The following DCN variants were observed in gnomAD, a reference collection of about 807,000 sequenced individuals.
DCN encodes bone proteoglycan II.
A neutral mutation model predicts 36.5 loss-of-function variants in DCN; 17 were observed. The ratio of observed to expected loss-of-function variants is 0.47; its 90% CI spans 0.32 to 0.70. DCN has a LOEUF of 0.70. Ranked by LOEUF, DCN falls within the 30% of genes least tolerant of loss-of-function variation. The probability of loss-of-function intolerance (pLI) is 0.04; values close to 1 mark genes in which losing one functional copy is unlikely to be tolerated. For missense variants in DCN, 389 were observed against 430.1 expected (o/e 0.90, Z 0.84); for synonymous variants, 163 against 161.4 (o/e 1.01, Z -0.07).
chr12:91,151,713 A>T lies in DCN; in HGVS notation c.826T>A (p.Leu276Met). The T allele has an allele frequency of 1.2e-6, 2 of 1,614,044 alleles. No homozygotes were observed. Among genetic ancestry groups the T allele is most frequent in the Non-Finnish European group, 1.7e-6 (2 of 1,179,972 alleles). The change falls in exon 7 of 8, where the codon TTG (leucine) becomes ATG (methionine). Residue 276 changes from leucine (L) to methionine (M), a missense_variant. Physicochemically the swap from Leu to Met is conservative, Grantham distance 15 (BLOSUM62 2). Transcript: ENST00000052754. ...ANTPHLRELHLDNNKLTRVPG... is the reference protein window; with the variant it reads ...ANTPHLRELHMDNNKLTRVPG... ...ACTCTGGTAAGCTTGTTGTTGTCCA[A>T]GTGAAGCTCCCTCAGATGAGGCGTG... is the stretch of plus-strand genomic sequence containing the variant.
At chr12:91,153,284 T>A in intron 5 of DCN, 95 bp from the exon 6 acceptor site, 1 of 771,848 alleles carries the variant, frequency 1.3e-6, no homozygotes, top group Non-Finnish European at 2.4e-6. Context: ...ATCAATTTTC[T>A]AAAAGACACA....
chr12:91,149,454 G>A (rs1285660004), intron 7 of DCN, among the ~76,000 whole-genome samples: 1 of 152,172 alleles, frequency 6.6e-6, no homozygotes, highest in African/African-American at 2.4e-5. Flanking sequence ...TCCTCAACTT[G>A]ATAAAGAGCA....
rs1880947883 is a variant in DCN, at chr12:91,145,439, T to C, written c.*619A>G. ...AGAAATAGCTGAGAACTTGAAAAGA[T>C]GTACTGTTATTGTCAACAAACCAAT... On this transcript the variant is annotated 3_prime_UTR_variant, in exon 8 of 8. Transcript: ENST00000052754. 1.3e-5 allele frequency: 2 copies of C among 156,160 alleles called. No homozygotes were observed. 9.7% of individuals were successfully genotyped at this position (156,160 alleles called of 1,614,324 possible). A position where few individuals can be genotyped will look rare whatever the true frequency, so the allele number is the denominator to read the frequency against.
intron 7 of DCN, 99 bp from the exon 8 acceptor site, chr12:91,146,351 CTTT>C (rs376886852): frequency 0.013 from 4,081 of 315,032 alleles, no homozygotes; most frequent in Non-Finnish European, 0.014. Flanking sequence ...TAATCCTTCA[CTTT>C]TTTTTTTTTT....
Position 91,140,964 on chromosome 12 carries a change from C to T in DCN, c.*5094G>A, listed in dbSNP as rs978657225. On this transcript the variant is annotated 3_prime_UTR_variant, in exon 8 of 8. Transcript: ENST00000052754. Reference sequence around the variant, plus strand: ...TGGCCTCTCTACCATCAAAACAAACCCCATATTTTGATCCCTTCTCAACAA... The same window carrying T: ...TGGCCTCTCTACCATCAAAACAAACTCCATATTTTGATCCCTTCTCAACAA... The T allele has an allele frequency of 1.3e-5, 2 of 152,172 alleles. No homozygotes were observed. The highest frequency in any genetic ancestry group is 2.4e-5 in the African/African-American group (1 of 41,432). The allele number at this position is 152,172 out of a possible 1,614,324, so 9.4% of individuals were successfully genotyped here.
intron 5 of DCN, among the ~76,000 whole-genome samples, chr12:91,154,655 G>A (rs767815236): frequency 1.3e-5 from 2 of 152,062 alleles, no homozygotes; most frequent in Admixed American, 1.3e-4. Flanking sequence ...GTGGCATTGA[G>A]TTAAAGAACC....
intron 2 of DCN, among the ~76,000 whole-genome samples, chr12:91,173,569 C>G (rs1217410368): frequency 2.0e-5 from 3 of 152,306 alleles, no homozygotes; most frequent in East Asian, 3.9e-4. Context: ...ATCCAGTGGT[C>G]ATACTCTGTG....
intron 5 of DCN, 108 bp downstream of exon 5, chr12:91,156,967 T>C: frequency 2.7e-6 from 2 of 735,098 alleles, no homozygotes; most frequent in Non-Finnish European, 4.7e-6. Flanking sequence ...TTGCTGGAAA[T>C]AAGGTTGGCC....
intron 5 of DCN, among the ~76,000 whole-genome samples, chr12:91,156,451 A>G (rs1014987801): frequency 3.9e-5 from 6 of 152,328 alleles, no homozygotes; most frequent in African/African-American, 4.8e-5. Flanking sequence ...TAGCAGTATT[A>G]TTTCCACTTG....
Position 91,164,739 on chromosome 12 carries a change from T to C in DCN, c.212-22A>G, listed in dbSNP as rs781160196. On this transcript the variant is annotated intron_variant, in intron 2 of 7. Transcript: ENST00000052754. Reference sequence around the variant, plus strand: ...AGACCTAGCATAAGAGTAATAGGAGTGTGCTGTGAGTAGAAAGGACATGTG... The same window carrying C: ...AGACCTAGCATAAGAGTAATAGGAGCGTGCTGTGAGTAGAAAGGACATGTG... 7 of 1,247,560 alleles carry C rather than the reference T, an allele frequency of 5.6e-6. No individual in the cohort carries two copies. The Admixed American group carries it at 6.7e-5, about 12-fold the overall frequency. The allele number at this position is 1,247,560 out of a possible 1,614,324, so 77.3% of individuals were successfully genotyped here.
intron 2 of DCN, among the ~76,000 whole-genome samples, chr12:91,170,063 A>G (rs1882857184): frequency 7.8e-6 from 1 of 128,818 alleles, no homozygotes; most frequent in African/African-American, 3.4e-5. Flanking sequence ...GACTCTGTCT[A>G]AAAAAAAAAA....
intron 3 of DCN, among the ~76,000 whole-genome samples, chr12:91,161,626 C>T (rs924350468): frequency 1.3e-5 from 2 of 152,134 alleles, no homozygotes; most frequent in East Asian, 1.9e-4. Context: ...ACCCAAAGGT[C>T]GGAACCTCCA....
rs2121103992 is a variant in DCN at position 91,142,434 on chromosome 12, C to T, written c.*3624G>A. On this transcript the variant is annotated 3_prime_UTR_variant, in exon 8 of 8. Coordinates refer to ENST00000052754, the MANE Select transcript of DCN (RefSeq NM_001920.5). ...TTATGATATCCTGCAGCTGCCTCTG[C>T]AATAAAATTGTGGAATAAACCAGTT... 6.6e-6 allele frequency: 1 copy of T among 152,126 alleles called. No homozygotes were observed. The highest frequency in any genetic ancestry group is 1.9e-4 in the East Asian group (1 of 5,186). 9.4% of individuals were successfully genotyped at this position (152,126 alleles called of 1,614,324 possible).
intron 6 of DCN, 99 bp downstream of exon 6, chr12:91,152,997 A>G: frequency 4.0e-6 from 3 of 749,392 alleles, no homozygotes; most frequent in South Asian, 2.9e-5. Context: ...GAAATGTAGT[A>G]CACTCAAAAA....
At chr12:91,168,246 A>G (rs888370484) in intron 2 of DCN, among the ~76,000 whole-genome samples, 16 of 152,192 alleles carry the variant, frequency 1.1e-4, no homozygotes, top group African/African-American at 3.9e-4. Context: ...CATGCAATGC[A>G]TATTTTATGT....
At chr12:91,170,480 C>G (rs1882891428) in intron 2 of DCN, among the ~76,000 whole-genome samples, 1 of 152,170 alleles carries the variant, frequency 6.6e-6, no homozygotes, top group Non-Finnish European at 1.5e-5. Flanking sequence ...AGTTCAGGGC[C>G]TTTGGGGTGC....
chr12:91,180,561 G>C (rs897469633), intron 1 of DCN: 2 of 152,076 alleles, frequency 1.3e-5, no homozygotes, highest in African/African-American at 4.8e-5. Context: ...TGTGTCTAAG[G>C]CAGCACATGT....
In DCN at chr12:91,142,387, C is replaced by T. The variant is rs554973618; in HGVS notation, c.*3671G>A. On this transcript the variant is annotated 3_prime_UTR_variant, in exon 8 of 8. Transcript: ENST00000052754. ...AGTTTACTTGAGGGATTAGGCAATT[C>T]TTCCTTCGTATAAAGATAAGATTAT... 1 of 152,284 alleles carries T rather than the reference C, an allele frequency of 6.6e-6. No individual in the cohort carries two copies. The highest frequency in any genetic ancestry group is 1.5e-5 in the Non-Finnish European group (1 of 68,028). 9.4% of individuals were successfully genotyped at this position (152,284 alleles called of 1,614,324 possible).
At chr12:91,176,988 A>G (rs1883334068) in intron 2 of DCN, 1 of 152,386 alleles carries the variant, frequency 6.6e-6, no homozygotes, top group Admixed American at 6.5e-5. Flanking sequence ...GCAAATACAC[A>G]ATTCAAAAAG....
Sources: gnomAD v4.1 joint callset for allele counts (sites outside exome capture counted in the v4.1 genomes callset) on GRCh38, gnomAD v4.1.1 for gene constraint, MANE v1.5 for transcripts, NCBI Gene and HGNC (gene_info 2026-07-23, HGNC 2026-07-21) for gene names.